TRAPPC8: variants seen among roughly 807,000 people sequenced by gnomAD.
The protein encoded by TRAPPC8 is trafficking protein particle complex subunit 8.
A neutral mutation model predicts 174.3 loss-of-function variants in TRAPPC8; 54 were observed. The observed-to-expected ratio is 0.31, with a 90% CI of 0.25 to 0.39. The LOEUF (loss-of-function observed/expected upper bound fraction) is 0.39. TRAPPC8 is among the 10% of genes least tolerant of loss of function. The pLI is 1.00. For synonymous variants in TRAPPC8, 630 were observed against 579.9 expected (o/e 1.09, Z -1.24); for missense variants, 1,531 against 1,699.1 (o/e 0.90, Z 1.74).
intron 12 of TRAPPC8, among the ~76,000 whole-genome samples, chr18:31,881,917 C>T (rs766532162): frequency 1.9e-4 from 29 of 151,924 alleles, no homozygotes; most frequent in African/African-American, 4.1e-4. Context: ...AAATGTAAAT[C>T]GAAACAATGA....
At chr18:31,929,512 G>A (rs1276928607) in intron 2 of TRAPPC8, among the ~76,000 whole-genome samples, 1 of 152,106 alleles carries the variant, frequency 6.6e-6, no homozygotes. Context: ...GTGTGACAGA[G>A]AGAGACCTTG....
chr18:31,926,545 T>G (rs1404649754), intron 2 of TRAPPC8: 4 of 151,802 alleles, frequency 2.6e-5, no homozygotes, highest in African/African-American at 9.7e-5. Context: ...CTCGGCTTAC[T>G]GCAACCTCCG....
intron 5 of TRAPPC8, among the ~76,000 whole-genome samples, chr18:31,910,685 G>T (rs1245093734): frequency 6.6e-6 from 1 of 152,164 alleles, no homozygotes; most frequent in South Asian, 2.1e-4. Context: ...GCAGTCATTC[G>T]TAAGTTTAAA....
intron 16 of TRAPPC8, 121 bp from the exon 17 acceptor site, chr18:31,867,597 T>TATACGGCG: frequency 4.7e-6 from 3 of 641,100 alleles, no homozygotes; most frequent in Non-Finnish European, 7.8e-6. Context: ...ACTTGGTTTT[T>TATACGGCG]ACCACATGCT....
Position 31,890,685 on chromosome 18 carries a change from A to G in TRAPPC8, c.1728+50T>C, listed in dbSNP as rs772469868. On this transcript the variant is annotated intron_variant, in intron 12 of 28. Coordinates refer to ENST00000283351, the MANE Select transcript of TRAPPC8 (RefSeq NM_014939.5). ...AATAATAAAAATGGACAAATGACACACATTTATAAAATAAATAGCAACTTT... is the reference window on the plus strand; with the variant it reads ...AATAATAAAAATGGACAAATGACACGCATTTATAAAATAAATAGCAACTTT... 13 of 1,559,274 alleles carry G rather than the reference A, an allele frequency of 8.3e-6. No individual in the cohort carries two copies. The Admixed American group carries it at 2.6e-4, about 31-fold the overall frequency.
Position 31,846,500 on chromosome 18 carries a change from G to A in TRAPPC8, c.3837+216C>T, listed in dbSNP as rs1169050707. Among the ~76,000 whole-genome samples the A allele has an allele frequency of 7.2e-5, 11 of 152,068 alleles. 1 individual carries two copies. Among genetic ancestry groups the A allele is most frequent in the African/African-American group, 1.2e-4 (5 of 41,476 alleles). ...TGAGGCCAGAGGATCACCTGAGCCCGGGGAGGTCAAGGCTGCAGTGAGCCA... is the reference window on the plus strand; with the variant it reads ...TGAGGCCAGAGGATCACCTGAGCCCAGGGAGGTCAAGGCTGCAGTGAGCCA... On this transcript the variant is annotated intron_variant, in intron 26 of 28. Coordinates refer to ENST00000283351, the MANE Select transcript of TRAPPC8 (RefSeq NM_014939.5).
At chr18:31,842,662 C>T (rs935564928) in intron 26 of TRAPPC8, among the ~76,000 whole-genome samples, 2 of 152,146 alleles carry the variant, frequency 1.3e-5, no homozygotes, top group South Asian at 2.1e-4. Flanking sequence ...AGCCCAAATC[C>T]AAAGATGCAA....
chr18:31,936,424 C>T (rs2038101381), intron 1 of TRAPPC8, among the ~76,000 whole-genome samples: 1 of 151,944 alleles, frequency 6.6e-6, no homozygotes, highest in African/African-American at 2.4e-5. Flanking sequence ...TGATCATGCC[C>T]CCTGTATCCA....
intron 1 of TRAPPC8, among the ~76,000 whole-genome samples, chr18:31,941,679 A>AT (rs1422635275): frequency 2.6e-5 from 4 of 152,038 alleles, no homozygotes; most frequent in East Asian, 1.9e-4. Flanking sequence ...TACAGCACTG[A>AT]TTTTTTTTGT....
Position 31,852,512 on chromosome 18 carries a change from A to C in TRAPPC8, c.3503-8T>G. The C allele has an allele frequency of 6.2e-7, 1 of 1,614,210 alleles. No individual in the cohort carries two copies. The highest frequency in any genetic ancestry group is 8.5e-7 in the Non-Finnish European group (1 of 1,180,018). On this transcript the variant is annotated splice_region_variant and splice_polypyrimidine_tract_variant and intron_variant, in intron 23 of 28. Transcript: ENST00000283351. ...CAGAGGACTGTGTGGCCGCTAAAAA[A>C]CAGGGGAAAACAAACTAATCATATC...
At position 31,873,629 on chromosome 18, in the gene TRAPPC8, AAT is replaced by A. The variant is rs144872981; in HGVS notation, c.1954-93_1954-92del. 1,589 of 831,772 alleles carry A rather than the reference AAT, an allele frequency of 1.9e-3. 19 individuals are homozygous for A. The African/African-American group carries it at 0.025, about 13-fold the overall frequency. The allele number at this position is 831,772 out of a possible 1,614,324, so 51.5% of individuals were successfully genotyped here. ...GTTTCTTAATACACAAGGCATTAAA[AAT>A]ATGTTAAGCAAGAATATTAAGATAT... On this transcript the variant is annotated intron_variant, in intron 13 of 28. Transcript: ENST00000283351.
rs1169497440 is a variant in TRAPPC8 at position 31,897,866 on chromosome 18, C to T, written c.1516G>A (p.Val506Met). 1 of 1,611,360 alleles carries T rather than the reference C, an allele frequency of 6.2e-7. No individual in the cohort carries two copies. The highest frequency in any genetic ancestry group is 1.3e-5 in the African/African-American group (1 of 74,838). Residue 506 changes from valine (V) to methionine (M), a missense_variant, in exon 11 of 29, where the codon GTG (valine) becomes ATG (methionine). Coordinates refer to ENST00000283351, the MANE Select transcript of TRAPPC8 (RefSeq NM_014939.5). ...CKNMVLAERCVLLSAELLKSQ... is the reference protein window; with the variant it reads ...CKNMVLAERCMLLSAELLKSQ... ...TTTAAAAGTTCAGCACTAAGCAACA[C>T]ACATCTTTCAGCCAACACCATATTC... is the stretch of plus-strand genomic sequence containing the variant.
At chr18:31,941,159 AAGGCCGGG>A (rs1412026855) in intron 1 of TRAPPC8, among the ~76,000 whole-genome samples, 9 of 152,182 alleles carry the variant, frequency 5.9e-5, no homozygotes, top group African/African-American at 2.2e-4. Context: ...TTAGGAATTC[AAGGCCGGG>A]CGCGGTGGCT....
chr18:31,926,202 T>C (rs907551832), intron 2 of TRAPPC8, among the ~76,000 whole-genome samples: 15 of 152,174 alleles, frequency 9.9e-5, no homozygotes, highest in Admixed American at 3.3e-4. Context: ...ACACCACAAT[T>C]GTATTGTGTA....
chr18:31,858,383 C>T (rs2034146977), intron 19 of TRAPPC8, among the ~76,000 whole-genome samples: 1 of 152,110 alleles, frequency 6.6e-6, no homozygotes, highest in South Asian at 2.1e-4. Flanking sequence ...ATGTCTATAT[C>T]ATCAAGATGA....
intron 2 of TRAPPC8, among the ~76,000 whole-genome samples, chr18:31,923,167 A>C (rs1405643956): frequency 6.6e-6 from 1 of 152,250 alleles, no homozygotes; most frequent in East Asian, 1.9e-4. Flanking sequence ...TGTAAGAGTA[A>C]ACAGGATAAT....
intron 26 of TRAPPC8, among the ~76,000 whole-genome samples, chr18:31,842,749 T>C (rs1486646523): frequency 2.0e-5 from 3 of 152,172 alleles, no homozygotes; most frequent in African/African-American, 7.2e-5. Context: ...TCACAGGAAA[T>C]GCTCTTCAGA....
chr18:31,892,104 GTT>G (rs1349274160), intron 11 of TRAPPC8, among the ~76,000 whole-genome samples: 1 of 152,154 alleles, frequency 6.6e-6, no homozygotes, highest in African/African-American at 2.4e-5. Context: ...TTAGAAAAAT[GTT>G]TTCTTTTTAG....
At chr18:31,841,069 G>GATATACA (rs1314488834) in intron 26 of TRAPPC8, among the ~76,000 whole-genome samples, 1 of 152,098 alleles carries the variant, frequency 6.6e-6, no homozygotes, top group Non-Finnish European at 1.5e-5. Flanking sequence ...AAACTGGTAT[G>GATATACA]ATATACAAAT....
Sources: gnomAD v4.1 joint callset for allele counts (sites outside exome capture counted in the v4.1 genomes callset) on GRCh38, gnomAD v4.1.1 for gene constraint, MANE v1.5 for transcripts, NCBI Gene and HGNC (gene_info 2026-07-23, HGNC 2026-07-21) for gene names.